The following ZNF492 variants were observed in gnomAD, a reference collection of about 807,000 sequenced individuals.
ZNF492 encodes the protein zinc finger protein 492.
ZNF492 carries 3 observed loss-of-function variants against 6.4 expected under a neutral mutation model. That is an observed-to-expected ratio of 0.47 (90% CI 0.21 to 1.22). The LOEUF (loss-of-function observed/expected upper bound fraction) is 1.22, where lower values mean the gene tolerates loss of function less well. Ranked by LOEUF, ZNF492 falls within the 50% of genes most tolerant of loss-of-function variation. The pLI is 0.22. For missense variants in ZNF492, 356 were observed against 612.5 expected (o/e 0.58, Z 4.42); for synonymous variants, 112 against 205.3 (o/e 0.55, Z 3.89).
Position 22,665,198 on chromosome 19 carries a change from G to A in ZNF492, c.1529G>A (p.Cys510Tyr). 6.2e-7 allele frequency: 1 copy of A among 1,602,102 alleles called. No individual in the cohort carries two copies. Among genetic ancestry groups the A allele is most frequent in the Non-Finnish European group, 8.5e-7 (1 of 1,174,954 alleles). The stretch of plus-strand genomic sequence containing the variant: ...GAGAAACTCTACAAACCTGAAAGTT[G>A]TAACAATGCTTGTGACAACATTGCA... Reference protein sequence around the residue: ...TGEKLYKPESCNNACDNIAKI... With the variant: ...TGEKLYKPESYNNACDNIAKI... The change falls in exon 4 of 4, where the codon TGT becomes TAT. Residue 510 changes from cysteine to tyrosine, a missense_variant. By Grantham distance (194) the Cys-to-Tyr change is radical (BLOSUM62 -2). This residue lies in a region of ZNF492 where 81 missense variants were observed against 115.4 expected (regional missense o/e 0.70). Transcript: ENST00000456783.
At chr19:22,661,630 C>T (rs1313421060) in intron 3 of ZNF492, among the ~76,000 whole-genome samples, 1 of 151,612 alleles carries the variant, frequency 6.6e-6, no homozygotes, top group African/African-American at 2.4e-5. Flanking sequence ...GAGTTTTGCT[C>T]CTGTCACCCA....
At chr19:22,639,896 G>T (rs1971809505) in intron 1 of ZNF492, among the ~76,000 whole-genome samples, 1 of 151,350 alleles carries the variant, frequency 6.6e-6, no homozygotes, top group African/African-American at 2.4e-5. Flanking sequence ...ATGTTGAATA[G>T]GAGTGTTGAG....
chr19:22,667,653 A>ATACT lies in ZNF492; in HGVS notation c.*2390_*2391insCTTA, dbSNP rs1033906558. On this transcript the variant is annotated 3_prime_UTR_variant, in exon 4 of 4. Transcript: ENST00000456783. Reference sequence around the variant, plus strand: ...TTACACATTTCTGAGTCCTGAATAAATAAAAATAATTTCTTGTATATTTTT... The same window carrying ATACT: ...TTACACATTTCTGAGTCCTGAATAAATACTTAAAAATAATTTCTTGTATATTTTT... The ATACT allele has an allele frequency of 3.3e-5, 5 of 151,914 alleles. No individual in the cohort carries two copies. Among genetic ancestry groups the ATACT allele is most frequent in the East Asian group, 3.9e-4 (2 of 5,194 alleles). 9.4% of individuals were successfully genotyped at this position (151,914 alleles called of 1,614,324 possible). A position where few individuals can be genotyped will look rare whatever the true frequency, so the allele number is the denominator to read the frequency against.
At chr19:22,651,881 G>T (rs1971943259) in intron 1 of ZNF492, among the ~76,000 whole-genome samples, 1 of 151,840 alleles carries the variant, frequency 6.6e-6, no homozygotes, top group African/African-American at 2.4e-5. Context: ...TGCTCTTTAG[G>T]GTGTGAAAGA....
intron 1 of ZNF492, among the ~76,000 whole-genome samples, chr19:22,643,384 A>G (rs758125938): frequency 1.1e-4 from 16 of 152,218 alleles, no homozygotes; most frequent in Admixed American, 2.6e-4. Context: ...ATACTTTAAG[A>G]TGGAGATTAG....
chr19:22,663,680 C>G (rs1024449688), intron 3 of ZNF492, 120 bp from the exon 4 acceptor site: 4 of 850,308 alleles, frequency 4.7e-6, no homozygotes, highest in Non-Finnish European at 6.8e-6. Context: ...AATGTTAGAG[C>G]GTGTAATATT....
chr19:22,638,619 T>G (rs1246577826), intron 1 of ZNF492, among the ~76,000 whole-genome samples: 1 of 152,194 alleles, frequency 6.6e-6, no homozygotes, highest in African/African-American at 2.4e-5. Flanking sequence ...ACTGTAGCCC[T>G]GTAGTATAGT....
intron 1 of ZNF492, among the ~76,000 whole-genome samples, chr19:22,641,123 G>A (rs1030640664): frequency 2.6e-5 from 4 of 151,942 alleles, no homozygotes; most frequent in African/African-American, 9.7e-5. Context: ...AATGATTTTG[G>A]TTATTTCTTC....
In ZNF492 at chr19:22,647,727, G is replaced by GTTTTTTTTT. The variant is rs71180575; in HGVS notation, c.-93-5568_-93-5560dup. ...TTGCTCTTGCTTTCTAGCTCTTTTAGTTTTTTTTTTTTTTTTTTTTGAGAT... is the reference window on the plus strand; with the variant it reads ...TTGCTCTTGCTTTCTAGCTCTTTTAGTTTTTTTTTTTTTTTTTTTTTTTTTTTTTGAGAT... On this transcript the variant is annotated intron_variant, in intron 1 of 3. Transcript: ENST00000456783. 2.6e-3 allele frequency among the ~76,000 whole-genome samples: 237 copies of GTTTTTTTTT among 92,524 alleles called. 25 individuals are homozygous for GTTTTTTTTT. Among genetic ancestry groups the GTTTTTTTTT allele is most frequent in the African/African-American group, 7.8e-3 (165 of 21,056 alleles). The allele number at this position is 92,524 out of a possible 152,430, so 60.7% of individuals were successfully genotyped here. A position where few individuals can be genotyped will look rare whatever the true frequency, so the allele number is the denominator to read the frequency against.
intron 3 of ZNF492, among the ~76,000 whole-genome samples, chr19:22,659,192 AT>A (rs771420994): frequency 1.3e-5 from 2 of 150,258 alleles, no homozygotes; most frequent in African/African-American, 5.0e-5. Context: ...AATTTTTCAG[AT>A]TTTTTTTCTC....
At chr19:22,652,058 A>AT (rs1170052432) in intron 1 of ZNF492, among the ~76,000 whole-genome samples, 1 of 152,124 alleles carries the variant, frequency 6.6e-6, no homozygotes, top group Admixed American at 6.5e-5. Flanking sequence ...GCATCAGCAC[A>AT]TTTGTCTTCA....
chr19:22,642,384 C>CT (rs869202400), intron 1 of ZNF492, among the ~76,000 whole-genome samples: 3,665 of 85,444 alleles, frequency 0.043, 360 homozygotes, highest in African/African-American at 0.12. Flanking sequence ...AACCTTTTGT[C>CT]TTTTTTTTTT....
rs369508878 is a variant in ZNF492, at chr19:22,655,093, G to C, written c.130+1078G>C. On this transcript the variant is annotated intron_variant, in intron 3 of 3. Coordinates refer to ENST00000456783, the MANE Select transcript of ZNF492 (RefSeq NM_020855.3). ...GGATCACCTGAGGTCAGGAGTTTGA[G>C]ACCAGCCTGGCCAACATGATGAAAC... 4.6e-5 allele frequency among the ~76,000 whole-genome samples: 7 copies of C among 150,828 alleles called. No homozygotes were observed. In the South Asian group the frequency reaches 6.5e-4, roughly 14 times the overall value.
chr19:22,650,839 A>G (rs1971932417), intron 1 of ZNF492, among the ~76,000 whole-genome samples: 1 of 151,992 alleles, frequency 6.6e-6, no homozygotes, highest in Non-Finnish European at 1.5e-5. Flanking sequence ...CAGGGAGCCT[A>G]GTGTGTTAGG....
intron 1 of ZNF492, among the ~76,000 whole-genome samples, chr19:22,635,551 G>T (rs1271710252): frequency 1.3e-5 from 2 of 152,220 alleles, no homozygotes; most frequent in African/African-American, 4.8e-5. Flanking sequence ...GGAATATCCC[G>T]ATAGTGAATT....
chr19:22,657,824 A>G (rs1299195998), intron 3 of ZNF492, among the ~76,000 whole-genome samples: 2 of 152,008 alleles, frequency 1.3e-5, no homozygotes, highest in Non-Finnish European at 2.9e-5. Flanking sequence ...ATCTGATTAT[A>G]TGTGTGTGTG....
At chr19:22,635,208 A>AT (rs1417212851) in intron 1 of ZNF492, among the ~76,000 whole-genome samples, 2 of 152,030 alleles carry the variant, frequency 1.3e-5, no homozygotes, top group African/African-American at 4.8e-5. Flanking sequence ...AAAATTAGGA[A>AT]TCCAAAGATT....
intron 1 of ZNF492, among the ~76,000 whole-genome samples, chr19:22,643,080 A>G (rs147788407): frequency 6.6e-6 from 1 of 152,236 alleles, no homozygotes; most frequent in African/African-American, 2.4e-5. Flanking sequence ...CCTGACCAAC[A>G]TAGTGAAATC....
chr19:22,657,772 G>T (rs183506009), intron 3 of ZNF492, among the ~76,000 whole-genome samples: 1 of 151,984 alleles, frequency 6.6e-6, no homozygotes, highest in South Asian at 2.1e-4. Flanking sequence ...CATGTAAGTC[G>T]GTGTGTGGTT....
Sources: gnomAD v4.1 joint callset for allele counts (sites outside exome capture counted in the v4.1 genomes callset) on GRCh38, gnomAD v4.1.1 for gene constraint, gnomAD v4.1.1 regional missense constraint, MANE v1.5 for transcripts, NCBI Gene and HGNC (gene_info 2026-07-23, HGNC 2026-07-21) for gene names.